TTLL11: variants seen among roughly 807,000 people sequenced by gnomAD.
TTLL11 encodes the protein tubulin tyrosine ligase like 11.
TTLL11 carries 42 observed loss-of-function variants against 51.7 expected under a neutral mutation model. That is an observed-to-expected ratio of 0.81 (90% CI 0.64 to 1.05). The LOEUF is 1.05. TTLL11 is among the 50% of genes least tolerant of loss of function. The pLI is 0.00. For synonymous variants in TTLL11, 381 were observed against 383.5 expected, an observed-to-expected ratio of 0.99 and a Z score of 0.08; for missense variants, 799 against 940.4, an observed-to-expected ratio of 0.85 and a Z score of 1.97.
intron 1 of TTLL11, among the ~76,000 whole-genome samples, chr9:122,081,313 T>C (rs2131919327): frequency 6.6e-6 from 1 of 152,352 alleles, no homozygotes; most frequent in African/African-American, 2.4e-5. Context: ...TTAACACCTC[T>C]GAAGAGTGGA....
chr9:121,876,159 T>A (rs1011074003), intron 6 of TTLL11, among the ~76,000 whole-genome samples: 4 of 152,248 alleles, frequency 2.6e-5, no homozygotes, highest in African/African-American at 9.6e-5. Flanking sequence ...CACTTGGGAC[T>A]GTCTCACAAC....
intron 1 of TTLL11, among the ~76,000 whole-genome samples, chr9:122,084,988 G>A (rs938076238): frequency 3.9e-5 from 6 of 152,278 alleles, no homozygotes; most frequent in South Asian, 4.1e-4. Context: ...GGCCAGGCGC[G>A]GTGGCTCACA....
Position 122,093,159 on chromosome 9 carries a change from G to A in TTLL11, c.-11C>T, listed in dbSNP as rs1261496645. ...GCTGCCCCGCCGCATGGTGCTCAGG[G>A]CCGGGGCCAGTGCCAGTGCCACCGC... On this transcript the variant is annotated 5_prime_UTR_variant, in exon 1 of 9. Transcript: ENST00000321582. 38 of 1,495,516 alleles carry A rather than the reference G, an allele frequency of 2.5e-5. No individual in the cohort carries two copies. The highest frequency in any genetic ancestry group is 2.3e-4 in the Middle Eastern group (1 of 4,412). 92.6% of individuals were successfully genotyped at this position (1,495,516 alleles called of 1,614,324 possible). A position where few individuals can be genotyped will look rare whatever the true frequency, so the allele number is the denominator to read the frequency against.
intron 8 of TTLL11, among the ~76,000 whole-genome samples, chr9:121,839,607 C>A (rs576021305): frequency 4.6e-5 from 7 of 152,318 alleles, no homozygotes; most frequent in South Asian, 4.1e-4. Context: ...CCAAGCCTGG[C>A]AGAATAAAGA....
At chr9:122,032,052 G>A (rs1235262160) in intron 2 of TTLL11, among the ~76,000 whole-genome samples, 196 bp from the exon 3 acceptor site, 1 of 152,210 alleles carries the variant, frequency 6.6e-6, no homozygotes, top group Non-Finnish European at 1.5e-5. Context: ...AAAAACTTGA[G>A]GTAACGGACG....
rs746052816 is a variant in TTLL11, at chr9:121,853,176, C to T, written c.1840+7161G>A. ...CACCCATGGGATTGGTGGGTTGCCG[C>T]GGCTGAGCCCTGGTCCATGGGACAT... On this transcript the variant is annotated intron_variant, in intron 8 of 8. Transcript: ENST00000321582. The surrounding 1 kb of genome is among the most constrained non-coding windows in gnomAD (Gnocchi z 5.6). 3.9e-5 allele frequency among the ~76,000 whole-genome samples: 6 copies of T among 152,178 alleles called. No individual in the cohort carries two copies. The highest frequency in any genetic ancestry group is 8.8e-5 in the Non-Finnish European group (6 of 68,040).
intron 6 of TTLL11, among the ~76,000 whole-genome samples, chr9:121,927,395 T>C (rs7024834): frequency 0.077 from 11,735 of 152,284 alleles, 661 homozygotes; most frequent in African/African-American, 0.16. Context: ...TCATGGTTAC[T>C]ATTTTTTTGT....
intron 3 of TTLL11, among the ~76,000 whole-genome samples, chr9:121,998,686 A>G (rs938649475): frequency 1.3e-5 from 2 of 152,046 alleles, no homozygotes; most frequent in Non-Finnish European, 2.9e-5. Context: ...AACTAGCAGT[A>G]TTGCTCAATT....
intron 8 of TTLL11, among the ~76,000 whole-genome samples, chr9:121,854,014 GT>G (rs1331051665): frequency 6.6e-6 from 1 of 152,196 alleles, no homozygotes; most frequent in Non-Finnish European, 1.5e-5. Context: ...CGCTTTCCGT[GT>G]TTTGTTTCAT....
intron 1 of TTLL11, among the ~76,000 whole-genome samples, chr9:122,074,729 C>T (rs886612885): frequency 3.8e-5 from 5 of 131,262 alleles, no homozygotes; most frequent in African/African-American, 1.7e-4. Flanking sequence ...ATAAGACTTT[C>T]GTCTCTACAA....
intron 1 of TTLL11, among the ~76,000 whole-genome samples, chr9:122,068,166 T>A (rs1396706386): frequency 6.6e-6 from 1 of 152,180 alleles, no homozygotes; most frequent in Non-Finnish European, 1.5e-5. Flanking sequence ...TAAATCAATA[T>A]ATAACGATAC....
chr9:121,951,649 T>C (rs960712663), intron 6 of TTLL11, among the ~76,000 whole-genome samples: 2 of 152,202 alleles, frequency 1.3e-5, no homozygotes, highest in African/African-American at 4.8e-5. Context: ...AGAATTCCTC[T>C]GGAATCACAC....
chr9:121,946,434 C>G (rs1841667442), intron 6 of TTLL11, among the ~76,000 whole-genome samples: 2 of 152,210 alleles, frequency 1.3e-5, no homozygotes, highest in African/African-American at 2.4e-5. Flanking sequence ...TTTGCCACAG[C>G]TCATGGCCGA....
rs577895488 is a variant in TTLL11 at position 121,817,178 on chromosome 9, A to T, written c.*5409T>A. 7 of 152,168 alleles carry T rather than the reference A, an allele frequency of 4.6e-5. No homozygotes were observed. Among genetic ancestry groups the T allele is most frequent in the African/African-American group, 1.7e-4 (7 of 41,518 alleles). The allele number at this position is 152,168 out of a possible 1,614,324, so 9.4% of individuals were successfully genotyped here. A position where few individuals can be genotyped will look rare whatever the true frequency, so the allele number is the denominator to read the frequency against. ...CAAGAAATGGGGAAAAAATTAAGCTATTCTGGAGGGACACTCTGCCAATCA... is the reference window on the plus strand; with the variant it reads ...CAAGAAATGGGGAAAAAATTAAGCTTTTCTGGAGGGACACTCTGCCAATCA... On this transcript the variant is annotated 3_prime_UTR_variant, in exon 9 of 9. Coordinates refer to ENST00000321582, the MANE Select transcript of TTLL11 (RefSeq NM_001139442.2).
At position 121,890,910 on chromosome 9, in the gene TTLL11, C is replaced by T. The variant is rs1251364270; in HGVS notation, c.1482-20162G>A. On this transcript the variant is annotated intron_variant, in intron 6 of 8. Transcript: ENST00000321582. The surrounding 1 kb of genome is among the most constrained non-coding windows in gnomAD (Gnocchi z 4.3). ...TCTGGCCCCATCTCAGACCACAGTCCTATTTAAGCTCCAGCCACATTGCCC... is the reference window on the plus strand; with the variant it reads ...TCTGGCCCCATCTCAGACCACAGTCTTATTTAAGCTCCAGCCACATTGCCC... 1.3e-5 allele frequency among the ~76,000 whole-genome samples: 2 copies of T among 152,196 alleles called. No individual in the cohort carries two copies. Among genetic ancestry groups the T allele is most frequent in the African/African-American group, 4.8e-5 (2 of 41,442 alleles).
intron 4 of TTLL11, among the ~76,000 whole-genome samples, chr9:121,980,047 C>T (rs1842795368): frequency 1.3e-5 from 2 of 151,532 alleles, no homozygotes; most frequent in African/African-American, 4.9e-5. Context: ...AAAACTCCTA[C>T]CCCCTTGTAG....
intron 6 of TTLL11, among the ~76,000 whole-genome samples, chr9:121,930,584 A>G (rs1029778356): frequency 1.3e-5 from 2 of 152,204 alleles, no homozygotes; most frequent in African/African-American, 4.8e-5. Context: ...CCTGCTGCAG[A>G]CAGAAGAAAT....
At chr9:121,906,427 C>CTCA (rs1182664148) in intron 6 of TTLL11, among the ~76,000 whole-genome samples, 11 of 152,176 alleles carry the variant, frequency 7.2e-5, no homozygotes. Flanking sequence ...CTCTGCCCTG[C>CTCA]TCATCACCAG....
rs182592594 is a variant in TTLL11 at position 121,937,181 on chromosome 9, G to A, written c.1481+36828C>T. On this transcript the variant is annotated intron_variant, in intron 6 of 8. Transcript: ENST00000321582. ...TCAAGTGGTAACAATAATCTATCTC[G>A]TAAAGCAATTGTGAGGATTAAGTGG... 3.3e-5 allele frequency among the ~76,000 whole-genome samples: 5 copies of A among 152,160 alleles called. No homozygotes were observed. The East Asian group carries it at 5.8e-4, about 18-fold the overall frequency.
Sources: gnomAD v4.1 joint callset for allele counts (sites outside exome capture counted in the v4.1 genomes callset) on GRCh38, gnomAD v4.1.1 for gene constraint, Gnocchi (gnomAD v3.1) non-coding constraint, MANE v1.5 for transcripts, NCBI Gene and HGNC (gene_info 2026-07-23, HGNC 2026-07-21) for gene names.